The following TAFA1 variants were observed in gnomAD, a reference collection of about 807,000 sequenced individuals.
The protein encoded by TAFA1 is chemokine-like protein TAFA-1.
Under a neutral mutation model 18.5 loss-of-function variants are expected in TAFA1, and 4 were observed. The ratio of observed to expected loss-of-function variants is 0.22; its 90% confidence interval spans 0.11 to 0.49. The LOEUF (loss-of-function observed/expected upper bound fraction) is 0.49, where lower values mean the gene tolerates loss of function less well. Among genes scored for constraint, TAFA1 ranks in the 20% least tolerant of loss-of-function variants. TAFA1 has a pLI of 0.98. For missense variants in TAFA1, 147 were observed against 169.0 expected, an observed-to-expected ratio of 0.87 and a Z score of 0.72; for synonymous variants, 56 against 55.2, an observed-to-expected ratio of 1.01 and a Z score of -0.06.
intron 3 of TAFA1, among the ~76,000 whole-genome samples, chr3:68,435,358 C>G (rs2071251407): frequency 6.6e-6 from 1 of 152,096 alleles, no homozygotes; most frequent in Admixed American, 6.6e-5. Flanking sequence ...GGAATGAGCT[C>G]ATGCAGCAGC....
intron 3 of TAFA1, among the ~76,000 whole-genome samples, chr3:68,498,904 C>T (rs2072604512): frequency 6.6e-6 from 1 of 151,934 alleles, no homozygotes; most frequent in Non-Finnish European, 1.5e-5. Flanking sequence ...TATTTTTTAA[C>T]ACTTACTGGG....
intron 3 of TAFA1, among the ~76,000 whole-genome samples, chr3:68,441,039 T>C (rs2071368415): frequency 6.6e-6 from 1 of 152,154 alleles, no homozygotes; most frequent in Admixed American, 6.5e-5. Flanking sequence ...GTTGGGTCTG[T>C]CGAGATATTC....
intron 3 of TAFA1, among the ~76,000 whole-genome samples, chr3:68,418,364 GC>G (rs2070884183): frequency 6.6e-6 from 1 of 151,900 alleles, no homozygotes; most frequent in Non-Finnish European, 1.5e-5. Context: ...CAGTGGGGGA[GC>G]TTTTTGAGCC....
At chr3:68,020,764 A>C (rs1704670829) in intron 2 of TAFA1, among the ~76,000 whole-genome samples, 1 of 152,174 alleles carries the variant, frequency 6.6e-6, no homozygotes, top group Admixed American at 6.5e-5. Context: ...GTTAATCTCT[A>C]CTATGGAATA....
At chr3:68,119,269 A>G (rs893142048) in intron 2 of TAFA1, among the ~76,000 whole-genome samples, 5 of 152,078 alleles carry the variant, frequency 3.3e-5, no homozygotes, top group Non-Finnish European at 7.4e-5. Flanking sequence ...AGTATTTTAT[A>G]TATTCTGTCT....
chr3:68,282,595 G>A (rs555261857), intron 2 of TAFA1, among the ~76,000 whole-genome samples: 3 of 152,278 alleles, frequency 2.0e-5, no homozygotes, highest in South Asian at 2.1e-4. Context: ...AACTCATGGA[G>A]TCCACACCTG....
intron 2 of TAFA1, among the ~76,000 whole-genome samples, chr3:68,019,275 C>T (rs1704630722): frequency 1.3e-5 from 2 of 152,158 alleles, no homozygotes; most frequent in Admixed American, 6.5e-5. Flanking sequence ...TGGCTGAAAG[C>T]ATGGTTTTTT....
At chr3:68,485,052 G>C (rs1332314559) in intron 3 of TAFA1, among the ~76,000 whole-genome samples, 7 of 152,070 alleles carry the variant, frequency 4.6e-5, no homozygotes, top group African/African-American at 1.7e-4. Flanking sequence ...TAAGGAGGTG[G>C]ATGTGGCTGT....
intron 2 of TAFA1, among the ~76,000 whole-genome samples, chr3:68,306,020 C>A (rs1428822157): frequency 2.0e-5 from 3 of 152,156 alleles, no homozygotes; most frequent in East Asian, 3.9e-4. Flanking sequence ...CTAATGAATA[C>A]CCTTTGGTGA....
chr3:68,207,339 A>C (rs1426400321), intron 2 of TAFA1, among the ~76,000 whole-genome samples: 1 of 152,102 alleles, frequency 6.6e-6, no homozygotes, highest in African/African-American at 2.4e-5. Flanking sequence ...ATCGTAGTTA[A>C]TTGGTGCTAT....
At chr3:68,060,180 G>C (rs1215301651) in intron 2 of TAFA1, among the ~76,000 whole-genome samples, 1 of 148,606 alleles carries the variant, frequency 6.7e-6, no homozygotes, top group East Asian at 2.0e-4. Context: ...GTCCACCATT[G>C]CAACTGTGTG....
At chr3:68,321,500 C>G (rs1276299336) in intron 2 of TAFA1, among the ~76,000 whole-genome samples, 2 of 152,090 alleles carry the variant, frequency 1.3e-5, no homozygotes, top group African/African-American at 4.8e-5. Flanking sequence ...GTACTCAAGA[C>G]CTTTCTTTTT....
chr3:68,167,530 T>A (rs1483286174), intron 2 of TAFA1, among the ~76,000 whole-genome samples: 1 of 133,666 alleles, frequency 7.5e-6, no homozygotes, highest in Non-Finnish European at 1.5e-5. Context: ...TGAGCCGAGA[T>A]CAAGCCACTG....
intron 3 of TAFA1, among the ~76,000 whole-genome samples, chr3:68,436,811 C>G (rs758027034): frequency 6.6e-6 from 1 of 152,014 alleles, no homozygotes; most frequent in Non-Finnish European, 1.5e-5. Flanking sequence ...TATGAATAAC[C>G]CCTGGCACTC....
chr3:68,058,135 G>A (rs1347332147), intron 2 of TAFA1, among the ~76,000 whole-genome samples: 2 of 152,178 alleles, frequency 1.3e-5, no homozygotes, highest in African/African-American at 4.8e-5. Context: ...TGGAACTATA[G>A]TATAGATGCT....
intron 3 of TAFA1, among the ~76,000 whole-genome samples, chr3:68,525,401 C>T (rs1242342970): frequency 6.6e-6 from 1 of 152,148 alleles, no homozygotes; most frequent in Admixed American, 6.5e-5. Flanking sequence ...TTATATAGTT[C>T]AGTCTGCCTA....
At chr3:68,163,028 A>G (rs996800899) in intron 2 of TAFA1, among the ~76,000 whole-genome samples, 1 of 152,254 alleles carries the variant, frequency 6.6e-6, no homozygotes, top group Admixed American at 6.5e-5. Context: ...GCAAAAGACA[A>G]ATAGTCAAGA....
At chr3:68,064,795 G>T (rs2064653295) in intron 2 of TAFA1, among the ~76,000 whole-genome samples, 1 of 151,712 alleles carries the variant, frequency 6.6e-6, no homozygotes, top group South Asian at 2.1e-4. Context: ...TGATAAAGTT[G>T]TCTTGTGTTG....
At chr3:68,479,152 A>C (rs1334539244) in intron 3 of TAFA1, among the ~76,000 whole-genome samples, 1 of 147,138 alleles carries the variant, frequency 6.8e-6, no homozygotes, top group African/African-American at 2.5e-5. Flanking sequence ...AATCGCTTGA[A>C]CCCAGGAGGT....
Sources: gnomAD v4.1 joint callset for allele counts (sites outside exome capture counted in the v4.1 genomes callset) on GRCh38, gnomAD v4.1.1 for gene constraint, MANE v1.5 for transcripts, NCBI Gene and HGNC (gene_info 2026-07-23, HGNC 2026-07-21) for gene names.